Variants in CTNNA3 observed in about 807,000 individuals in gnomAD.
The protein encoded by CTNNA3 is catenin alpha 3, also known as catenin alpha-3.
A neutral mutation model predicts 95.7 loss-of-function variants in CTNNA3; 76 were observed. That is an observed-to-expected ratio of 0.79 (90% CI 0.66 to 0.96). CTNNA3 has a LOEUF of 0.96. Among genes scored for constraint, CTNNA3 ranks in the 40% least tolerant of loss-of-function variants. The pLI is 0.00. For missense variants in CTNNA3, 1,191 were observed against 1,089.8 expected (o/e 1.09, Z -1.31); for synonymous variants, 431 against 374.4 (o/e 1.15, Z -1.74).
chr10:67,103,386 C>G (rs192062051), intron 7 of CTNNA3, among the ~76,000 whole-genome samples: 2 of 151,668 alleles, frequency 1.3e-5, no homozygotes, highest in African/African-American at 2.4e-5. Context: ...TTAACTCTTT[C>G]GAGAGGCATA....
intron 5 of CTNNA3, among the ~76,000 whole-genome samples, chr10:67,430,743 A>G (rs2132895359): frequency 6.6e-6 from 1 of 151,188 alleles, no homozygotes; most frequent in South Asian, 2.1e-4. Flanking sequence ...CTAATGAAAG[A>G]TTAAAATACT....
intron 12 of CTNNA3, among the ~76,000 whole-genome samples, chr10:66,345,108 CT>C (rs896366457): frequency 6.6e-6 from 1 of 152,062 alleles, no homozygotes; most frequent in South Asian, 2.1e-4. Flanking sequence ...ATGGCATAGT[CT>C]TTATATTTTC....
intron 7 of CTNNA3, among the ~76,000 whole-genome samples, chr10:67,093,021 C>CT (rs1419004535): frequency 6.6e-6 from 1 of 151,908 alleles, no homozygotes; most frequent in Non-Finnish European, 1.5e-5. Flanking sequence ...AATTCATAGC[C>CT]TTAAGAAGAA....
At chr10:66,062,736 T>C (rs1436010116) in intron 15 of CTNNA3, among the ~76,000 whole-genome samples, 2 of 152,150 alleles carry the variant, frequency 1.3e-5, no homozygotes, top group Non-Finnish European at 2.9e-5. Flanking sequence ...TTTATTGCAG[T>C]TCAAACACAC....
chr10:67,089,116 G>C (rs573504113), intron 7 of CTNNA3, among the ~76,000 whole-genome samples: 1 of 151,940 alleles, frequency 6.6e-6, no homozygotes, highest in South Asian at 2.1e-4. Flanking sequence ...AAACCTAAGG[G>C]ACCCCCCATA....
At chr10:66,354,765 T>C (rs2092595980) in intron 12 of CTNNA3, among the ~76,000 whole-genome samples, 1 of 152,024 alleles carries the variant, frequency 6.6e-6, no homozygotes, top group South Asian at 2.1e-4. Context: ...GGGCTCTCTC[T>C]TCCCGAACTA....
chr10:67,410,759 GCT>G (rs1845335366), intron 5 of CTNNA3, among the ~76,000 whole-genome samples: 1 of 151,960 alleles, frequency 6.6e-6, no homozygotes, highest in African/African-American at 2.4e-5. Flanking sequence ...AGAGATTTCT[GCT>G]CCCCTATGTT....
intron 7 of CTNNA3, among the ~76,000 whole-genome samples, chr10:66,790,901 A>T (rs1840941477): frequency 6.6e-6 from 1 of 152,118 alleles, no homozygotes; most frequent in Non-Finnish European, 1.5e-5. Context: ...ACTCCTGCTT[A>T]TCCCTCCAAT....
intron 11 of CTNNA3, among the ~76,000 whole-genome samples, chr10:66,466,570 TG>T: frequency 6.6e-6 from 1 of 152,168 alleles, no homozygotes; most frequent in Non-Finnish European, 1.5e-5. Flanking sequence ...ACTGACCTTC[TG>T]GGTCAGTTTC....
chr10:67,689,211 G>C (rs1840794388), intron 1 of CTNNA3, among the ~76,000 whole-genome samples: 1 of 152,144 alleles, frequency 6.6e-6, no homozygotes, highest in Admixed American at 6.5e-5. Context: ...GAAGAGTGAT[G>C]CTTTTTGTCC....
At chr10:67,645,188 TGC>T (rs531994593) in intron 2 of CTNNA3, among the ~76,000 whole-genome samples, 2 of 142,136 alleles carry the variant, frequency 1.4e-5, no homozygotes, top group African/African-American at 5.9e-5. Flanking sequence ...AATGTGCACG[TGC>T]GCGCACACAC....
At chr10:67,461,127 C>T (rs1009235616) in intron 5 of CTNNA3, among the ~76,000 whole-genome samples, 25 of 152,164 alleles carry the variant, frequency 1.6e-4, no homozygotes, top group African/African-American at 6.0e-4. Flanking sequence ...CAGCAATTCT[C>T]AAGCTATGGT....
rs79648487 is a variant in CTNNA3, at chr10:66,825,970, A to G, written c.1048-50446T>C. Among the ~76,000 whole-genome samples the G allele has an allele frequency of 2.1e-3, 315 of 152,296 alleles. 1 individual carries two copies. The highest frequency in any genetic ancestry group is 7.0e-3 in the African/African-American group (291 of 41,572). ...TGTCTACTTTTTTAGTTCAACATGT[A>G]TATATAAAATTGCTTATAGTGGTCA... is the stretch of plus-strand genomic sequence containing the variant. On this transcript the variant is annotated intron_variant, in intron 7 of 17. Transcript: ENST00000433211.
intron 13 of CTNNA3, among the ~76,000 whole-genome samples, chr10:66,274,299 T>C (rs1394532987): frequency 1.3e-5 from 2 of 152,264 alleles, no homozygotes; most frequent in South Asian, 4.1e-4. Flanking sequence ...TATTCTTCTT[T>C]TGAATTTTTT....
chr10:67,512,782 C>G (rs1016604242), intron 5 of CTNNA3, among the ~76,000 whole-genome samples: 10 of 151,600 alleles, frequency 6.6e-5, no homozygotes, highest in Non-Finnish European at 1.3e-4. Context: ...GTCAAGAGAT[C>G]GATACCATCC....
chr10:67,200,726 T>C lies in CTNNA3; in HGVS notation c.843+18881A>G, dbSNP rs145753535. Reference sequence around the variant, plus strand: ...TACTGCCCTTTCCTCATTAACTCCCTAAAGCCCAAAAGACAGTCACGCATG... The same window carrying C: ...TACTGCCCTTTCCTCATTAACTCCCCAAAGCCCAAAAGACAGTCACGCATG... On this transcript the variant is annotated intron_variant, in intron 6 of 17. Transcript: ENST00000433211. Among the ~76,000 whole-genome samples the C allele has an allele frequency of 1.6e-3, 239 of 152,294 alleles. 3 individuals are homozygous for C. The highest frequency in any genetic ancestry group is 5.5e-3 in the African/African-American group (230 of 41,556).
intron 4 of CTNNA3, among the ~76,000 whole-genome samples, chr10:67,536,141 T>C (rs1047057109): frequency 2.0e-5 from 3 of 152,076 alleles, no homozygotes; most frequent in African/African-American, 7.2e-5. Context: ...TTGAAAAATA[T>C]ATAGAAATTC....
chr10:67,487,962 A>G (rs1848507214), intron 5 of CTNNA3, among the ~76,000 whole-genome samples: 1 of 152,206 alleles, frequency 6.6e-6, no homozygotes. Context: ...ATCTCTAGAA[A>G]CCTTAAGCTT....
intron 5 of CTNNA3, among the ~76,000 whole-genome samples, chr10:67,431,279 G>A (rs1846103990): frequency 6.6e-6 from 1 of 152,022 alleles, no homozygotes; most frequent in Non-Finnish European, 1.5e-5. Flanking sequence ...CTCTAAACTT[G>A]TCTTGGAAAA....
Sources: allele counts gnomAD v4.1 joint callset (sites outside exome capture counted in the v4.1 genomes callset), GRCh38; gene constraint gnomAD v4.1.1; transcripts MANE v1.5; gene names NCBI Gene and HGNC (gene_info 2026-07-23, HGNC 2026-07-21).